Variants in MAPRE3 observed in about 807,000 individuals in gnomAD.
The protein encoded by MAPRE3 is microtubule associated protein RP/EB family member 3, also known as microtubule-associated protein RP/EB family member 3.
A neutral mutation model predicts 30.5 loss-of-function variants in MAPRE3; 2 were observed. The observed-to-expected ratio is 0.07, with a 90% CI of 0.03 to 0.21. The LOEUF is 0.21. MAPRE3 is among the 10% of genes least tolerant of loss of function. MAPRE3 has a pLI of 1.00. For missense variants in MAPRE3, 204 were observed against 351.8 expected, an observed-to-expected ratio of 0.58 and a Z score of 3.36; for synonymous variants, 110 against 127.7, an observed-to-expected ratio of 0.86 and a Z score of 0.93.
intron 1 of MAPRE3, among the ~76,000 whole-genome samples, chr2:26,997,180 C>T (rs1372341779): frequency 1.3e-5 from 2 of 152,044 alleles, no homozygotes; most frequent in Non-Finnish European, 2.9e-5. Context: ...ACAGTTTTTC[C>T]ATGGATGGGG....
chr2:27,020,495 C>T (rs1415153837), intron 1 of MAPRE3, among the ~76,000 whole-genome samples: 2 of 152,120 alleles, frequency 1.3e-5, no homozygotes, highest in African/African-American at 2.4e-5. Flanking sequence ...CTTTTCTTAA[C>T]AGCGCAAGTC....
chr2:27,016,687 T>A (rs1304608640), intron 1 of MAPRE3, among the ~76,000 whole-genome samples: 2 of 152,142 alleles, frequency 1.3e-5, no homozygotes, highest in Admixed American at 6.6e-5. Context: ...CCTGGCAGGT[T>A]ATGTCTTTGC....
chr2:27,023,761 C>G (rs1667165101), intron 3 of MAPRE3: 1 of 511,072 alleles, frequency 2.0e-6, no homozygotes, highest in African/African-American at 1.9e-5. Context: ...TTCCACCTCT[C>G]TCTGTCTCTG....
chr2:26,977,088 A>G (rs951611544), intron 1 of MAPRE3, among the ~76,000 whole-genome samples: 6 of 152,250 alleles, frequency 3.9e-5, no homozygotes, highest in African/African-American at 9.6e-5. Context: ...AAAAAGCAGG[A>G]TGAAAAATAG....
intron 4 of MAPRE3, 33 bp from the exon 5 acceptor site, chr2:27,025,550 C>A: frequency 6.5e-7 from 1 of 1,538,940 alleles, no homozygotes; most frequent in South Asian, 1.3e-5. Flanking sequence ...TGTGGGCTCA[C>A]GTGGACTTAC....
chr2:27,021,285 C>G (rs536844573), intron 1 of MAPRE3, among the ~76,000 whole-genome samples: 1 of 152,004 alleles, frequency 6.6e-6, no homozygotes. Context: ...CAGAAAAGGG[C>G]GAATTGAGGA....
intron 3 of MAPRE3, chr2:27,023,801 C>A (rs1316232627): frequency 7.9e-6 from 4 of 507,206 alleles, no homozygotes; most frequent in Non-Finnish European, 1.4e-5. Context: ...TCTGCTCACT[C>A]TACTGCCTCG....
At chr2:26,994,740 A>G (rs1284434203) in intron 1 of MAPRE3, among the ~76,000 whole-genome samples, 1 of 151,948 alleles carries the variant, frequency 6.6e-6, no homozygotes, top group Non-Finnish European at 1.5e-5. Context: ...TTCTCCTGAT[A>G]GGTAATCCTG....
chr2:27,025,757 G>A lies in MAPRE3; in HGVS notation c.624+20G>A. 6.2e-7 allele frequency: 1 copy of A among 1,614,174 alleles called. No homozygotes were observed. Among genetic ancestry groups the A allele is most frequent in the Non-Finnish European group, 8.5e-7 (1 of 1,180,012 alleles). On this transcript the variant is annotated intron_variant, in intron 5 of 6. Coordinates refer to ENST00000233121, the MANE Select transcript of MAPRE3 (RefSeq NM_012326.4). ...CAACAGGTGAGTGGGATGGGTAAGG[G>A]TAGCTGAGATAGCCCTGTCACCAAA...
In MAPRE3 at chr2:27,025,589, A is replaced by G. The variant is rs1667220469; in HGVS notation, c.476A>G (p.Gln159Arg). ...ACTCTTTTCCTCTGGGCAGTTCCACAGAGGACGTCCCCCACAGGCCCAAAA... is the reference window on the plus strand; with the variant it reads ...ACTCTTTTCCTCTGGGCAGTTCCACGGAGGACGTCCCCCACAGGCCCAAAA... ...SKKLIGTAVP[Q>R]RTSPTGPKNM... is the part of the protein sequence containing the mutation. Residue 159 changes from glutamine (Q) to arginine (R), a missense_variant, in exon 5 of 7, where the codon CAG (glutamine) becomes CGG (arginine). Coordinates refer to ENST00000233121, the MANE Select transcript of MAPRE3 (RefSeq NM_012326.4). 6.3e-7 allele frequency: 1 copy of G among 1,574,962 alleles called. No individual in the cohort carries two copies. The highest frequency in any genetic ancestry group is 1.4e-5 in the African/African-American group (1 of 73,996).
At chr2:27,016,736 T>C (rs1666997551) in intron 1 of MAPRE3, among the ~76,000 whole-genome samples, 1 of 152,172 alleles carries the variant, frequency 6.6e-6, no homozygotes, top group South Asian at 2.1e-4. Flanking sequence ...ACCCTGATGC[T>C]TGGGCAAATA....
At position 27,022,395 on chromosome 2, in the gene MAPRE3, C is replaced by G. The variant is rs998523796; in HGVS notation, c.121+56C>G. 11 of 1,599,636 alleles carry G rather than the reference C, an allele frequency of 6.9e-6. No individual in the cohort carries two copies. The East Asian group carries it at 2.5e-4, about 36-fold the overall frequency. ...TGCTGGAAGGAAAGGAAAGAAAGGTCGGAAGGCAGAGCAGCCACAACAGGG... is the reference window on the plus strand; with the variant it reads ...TGCTGGAAGGAAAGGAAAGAAAGGTGGGAAGGCAGAGCAGCCACAACAGGG... On this transcript the variant is annotated intron_variant, in intron 2 of 6. Coordinates refer to ENST00000233121, the MANE Select transcript of MAPRE3 (RefSeq NM_012326.4).
chr2:26,987,571 G>A (rs1029629274), intron 1 of MAPRE3, among the ~76,000 whole-genome samples: 8 of 152,168 alleles, frequency 5.3e-5, no homozygotes, highest in African/African-American at 1.9e-4. Flanking sequence ...CTGGGAGGCG[G>A]AGGTTGCAGT....
intron 1 of MAPRE3, among the ~76,000 whole-genome samples, chr2:26,977,003 G>T (rs1454689739): frequency 6.6e-6 from 1 of 152,136 alleles, no homozygotes; most frequent in African/African-American, 2.4e-5. Context: ...GGTCAGGCTC[G>T]CCCAAATAAA....
chr2:26,980,129 A>G (rs1296707308), intron 1 of MAPRE3, among the ~76,000 whole-genome samples: 1 of 152,246 alleles, frequency 6.6e-6, no homozygotes, highest in Non-Finnish European at 1.5e-5. Flanking sequence ...AGGATGATTC[A>G]GCAGCAAGGG....
chr2:26,994,154 C>A (rs1666406030), intron 1 of MAPRE3, among the ~76,000 whole-genome samples: 1 of 152,190 alleles, frequency 6.6e-6, no homozygotes, highest in Admixed American at 6.5e-5. Flanking sequence ...GATCTAGTCT[C>A]TCAGGTATTT....
chr2:27,023,721 C>A (rs1244974446), intron 3 of MAPRE3: 1 of 542,936 alleles, frequency 1.8e-6, no homozygotes, highest in Admixed American at 3.0e-5. Context: ...CCCACCCCAA[C>A]ACTGAGCTCT....
intron 1 of MAPRE3, among the ~76,000 whole-genome samples, chr2:27,019,801 T>C (rs977914312): frequency 6.6e-6 from 1 of 152,010 alleles, no homozygotes; most frequent in African/African-American, 2.4e-5. Flanking sequence ...AAGAAGAGGG[T>C]TTTCTCTCAT....
At chr2:26,989,933 C>T (rs185530932) in intron 1 of MAPRE3, among the ~76,000 whole-genome samples, 1 of 152,294 alleles carries the variant, frequency 6.6e-6, no homozygotes, top group East Asian at 1.9e-4. Context: ...AATCCTAGCA[C>T]TTTGAGAAGC....
Sources: allele counts gnomAD v4.1 joint callset (sites outside exome capture counted in the v4.1 genomes callset), GRCh38; gene constraint gnomAD v4.1.1; transcripts MANE v1.5; gene names NCBI Gene and HGNC (gene_info 2026-07-23, HGNC 2026-07-21).